The following ACVR1 variants were observed in gnomAD, a reference collection of about 807,000 sequenced individuals.
ACVR1 encodes activin receptor type-1.
In ACVR1, 38 loss-of-function variants were observed where a neutral mutation model predicts 57.1. The observed-to-expected ratio is 0.67, with a 90% CI of 0.51 to 0.87. ACVR1 has a LOEUF of 0.87. ACVR1 is among the 40% of genes least tolerant of loss of function. The pLI is 0.00. For missense variants in ACVR1, 463 were observed against 638.2 expected (o/e 0.73, Z 2.96); for synonymous variants, 212 against 228.1 (o/e 0.93, Z 0.63).
chr2:157,744,301 T>C (rs956496210), intron 9 of ACVR1, among the ~76,000 whole-genome samples: 1 of 152,128 alleles, frequency 6.6e-6, no homozygotes, highest in East Asian at 1.9e-4. Context: ...GTAAAGCTAT[T>C]TTAGAGAGGG....
At chr2:157,823,956 T>C (rs898719618) in intron 1 of ACVR1, among the ~76,000 whole-genome samples, 2 of 152,182 alleles carry the variant, frequency 1.3e-5, no homozygotes, top group African/African-American at 4.8e-5. Flanking sequence ...CCCTGGCCCA[T>C]GTAATCTTTT....
Position 157,800,497 on chromosome 2 carries a change from AT to A in ACVR1, c.-7-998del, listed in dbSNP as rs1687285376. ...TAATTATTTTTAAAATTAAAAAAAAATCAATTTTTTTGGCTGGCGGTCTGTT... is the reference window on the plus strand; with the variant it reads ...TAATTATTTTTAAAATTAAAAAAAAACAATTTTTTTGGCTGGCGGTCTGTT... On this transcript the variant is annotated intron_variant, in intron 2 of 10. Transcript: ENST00000434821. Among the ~76,000 whole-genome samples the A allele has an allele frequency of 2.1e-5, 3 of 144,040 alleles. No individual in the cohort carries two copies. The South Asian group carries it at 6.8e-4, about 33-fold the overall frequency. 94.5% of individuals were successfully genotyped at this position (144,040 alleles called of 152,430 possible).
intron 1 of ACVR1, among the ~76,000 whole-genome samples, chr2:157,871,268 T>C (rs1305323066): frequency 2.0e-5 from 3 of 152,150 alleles, no homozygotes; most frequent in African/African-American, 7.2e-5. Context: ...AAAGGCAAAA[T>C]GGCAAAATCC....
intron 2 of ACVR1, among the ~76,000 whole-genome samples, chr2:157,817,918 C>T (rs571225172): frequency 9.3e-5 from 14 of 151,228 alleles, no homozygotes; most frequent in African/African-American, 3.1e-4. Flanking sequence ...AGGAGAATTG[C>T]GTGACCCTGG....
At chr2:157,766,250 A>G in intron 7 of ACVR1, 54 bp from the exon 8 acceptor site, 1 of 1,580,774 alleles carries the variant, frequency 6.3e-7, no homozygotes, top group Non-Finnish European at 8.7e-7. Context: ...ATTATAACTT[A>G]AAGTATTTAG....
intron 1 of ACVR1, among the ~76,000 whole-genome samples, chr2:157,859,451 C>T (rs1044068248): frequency 1.3e-5 from 2 of 152,146 alleles, no homozygotes; most frequent in African/African-American, 4.8e-5. Flanking sequence ...ATGGAGGAGC[C>T]ATTCTTCCTT....
intron 5 of ACVR1, among the ~76,000 whole-genome samples, chr2:157,774,784 G>A (rs1295577148): frequency 6.6e-6 from 1 of 152,168 alleles, no homozygotes; most frequent in Non-Finnish European, 1.5e-5. Context: ...AATATATAAT[G>A]AAAGAAGCTG....
chr2:157,820,438 C>G lies in ACVR1; in HGVS notation c.-182-1879G>C, dbSNP rs80003407. Among the ~76,000 whole-genome samples the G allele has an allele frequency of 9.0e-3, 1,365 of 152,300 alleles. 8 individuals are homozygous for G. The highest frequency in any genetic ancestry group is 0.017 in the Middle Eastern group (5 of 294). On this transcript the variant is annotated intron_variant, in intron 1 of 10. Transcript: ENST00000434821. ...CGCATTTTAAGAGGAGGCCAGTGTT[C>G]AGCTGTCCTGCCTAGGGTCAACCAT...
chr2:157,866,710 T>C (rs965936569), intron 1 of ACVR1, among the ~76,000 whole-genome samples: 4 of 152,246 alleles, frequency 2.6e-5, no homozygotes, highest in African/African-American at 9.6e-5. Flanking sequence ...CTGCCTTTGA[T>C]TCTATGAGCA....
chr2:157,761,991 G>A (rs1358217988), intron 8 of ACVR1, among the ~76,000 whole-genome samples: 1 of 152,174 alleles, frequency 6.6e-6, no homozygotes, highest in Admixed American at 6.5e-5. Context: ...GGCTTTGAAT[G>A]TGGGGGATGA....
intron 1 of ACVR1, among the ~76,000 whole-genome samples, chr2:157,844,961 T>C (rs959738135): frequency 3.3e-5 from 5 of 152,214 alleles, no homozygotes; most frequent in Non-Finnish European, 5.9e-5. Flanking sequence ...ACCTTTATCT[T>C]TGAACCTCCA....
At chr2:157,776,469 A>AC (rs1422373568) in intron 5 of ACVR1, among the ~76,000 whole-genome samples, 5 of 4,804 alleles carry the variant, frequency 1.0e-3, no homozygotes, top group Admixed American at 2.6e-3. Context: ...TATATCTAAC[A>AC]AAAAAAATTG....
chr2:157,846,572 C>T (rs1023458455), intron 1 of ACVR1, among the ~76,000 whole-genome samples: 1 of 152,152 alleles, frequency 6.6e-6, no homozygotes, highest in African/African-American at 2.4e-5. Context: ...ACATTATAAC[C>T]TACATATGCC....
chr2:157,822,212 G>A (rs1013442599), intron 1 of ACVR1, among the ~76,000 whole-genome samples: 1 of 152,194 alleles, frequency 6.6e-6, no homozygotes, highest in Non-Finnish European at 1.5e-5. Flanking sequence ...CATGGACTTA[G>A]GAAGCAGCCA....
chr2:157,766,020 T>G lies in ACVR1; in HGVS notation c.967A>C (p.Ile323Leu). Residue 323 changes from isoleucine to leucine, a missense_variant, in exon 8 of 11, where the codon ATA (isoleucine) becomes CTA (leucine). By Grantham distance (5) the Ile-to-Leu change is conservative (BLOSUM62 2). Transcript: ENST00000434821. The part of the protein sequence containing the change: ...ASGLAHLHIE[I>L]FGTQGKPAIA... ...GCTGGTTTCCCTTGGGTCCCAAATA[T>G]CTCTATGTGCAAATGTGCAAGACCA... 1 of 1,614,150 alleles carries G rather than the reference T, an allele frequency of 6.2e-7. No homozygotes were observed. The highest frequency in any genetic ancestry group is 8.5e-7 in the Non-Finnish European group (1 of 1,180,010).
At chr2:157,760,735 C>A in intron 9 of ACVR1, 145 bp downstream of exon 9, 1 of 763,912 alleles carries the variant, frequency 1.3e-6, no homozygotes. Context: ...CATCTACCAG[C>A]CATAAATCAA....
chr2:157,837,992 C>A (rs1363295706), intron 1 of ACVR1, among the ~76,000 whole-genome samples: 1 of 152,174 alleles, frequency 6.6e-6, no homozygotes, highest in African/African-American at 2.4e-5. Context: ...GCTACTTAGG[C>A]AATGCACACA....
intron 9 of ACVR1, among the ~76,000 whole-genome samples, chr2:157,742,473 A>G (rs571102724): frequency 2.6e-5 from 4 of 152,308 alleles, no homozygotes; most frequent in Admixed American, 1.3e-4. Context: ...AAGAAATAAA[A>G]AACATTATTC....
At chr2:157,854,046 C>T (rs1379204840) in intron 1 of ACVR1, among the ~76,000 whole-genome samples, 1 of 152,100 alleles carries the variant, frequency 6.6e-6, no homozygotes, top group Non-Finnish European at 1.5e-5. Context: ...TTTACGTGTT[C>T]CTTTTACTAA....
Sources: allele counts gnomAD v4.1 joint callset (sites outside exome capture counted in the v4.1 genomes callset), GRCh38; gene constraint gnomAD v4.1.1; transcripts MANE v1.5; gene names NCBI Gene and HGNC (gene_info 2026-07-23, HGNC 2026-07-21).